The following R3HDM1 variants were observed in gnomAD, a reference collection of about 807,000 sequenced individuals.
The protein encoded by R3HDM1 is R3H domain containing 1.
Under a neutral mutation model 141.1 loss-of-function variants are expected in R3HDM1, and 46 were observed. The observed-to-expected ratio is 0.33, with a 90% CI of 0.26 to 0.42. The LOEUF (loss-of-function observed/expected upper bound fraction) is 0.42, where lower values mean the gene tolerates loss of function less well. Among genes scored for constraint, R3HDM1 ranks in the 10% least tolerant of loss-of-function variants. R3HDM1 has a pLI of 1.00. For synonymous variants in R3HDM1, 435 were observed against 472.9 expected (o/e 0.92, Z 1.04); for missense variants, 1,184 against 1,368.3 (o/e 0.87, Z 2.12).
intron 19 of R3HDM1, among the ~76,000 whole-genome samples, chr2:135,662,936 G>C (rs1383818627): frequency 6.6e-6 from 1 of 151,632 alleles, no homozygotes; most frequent in Non-Finnish European, 1.5e-5. Context: ...ATATCCTTGC[G>C]TGTGACTAAT....
chr2:135,596,326 A>C (rs2059183878), intron 1 of R3HDM1, among the ~76,000 whole-genome samples: 1 of 152,138 alleles, frequency 6.6e-6, no homozygotes, highest in African/African-American at 2.4e-5. Flanking sequence ...CTTAATTTCA[A>C]ATATATCCAC....
intron 1 of R3HDM1, among the ~76,000 whole-genome samples, chr2:135,564,170 C>T (rs1336533190): frequency 2.6e-5 from 4 of 152,146 alleles, no homozygotes; most frequent in Non-Finnish European, 5.9e-5. Context: ...AACATCCAAA[C>T]TATATTACTG....
Position 135,719,846 on chromosome 2 carries a change from C to CT in R3HDM1, c.2882-2066dup, listed in dbSNP as rs1336561501. 5.7e-3 allele frequency among the ~76,000 whole-genome samples: 830 copies of CT among 144,384 alleles called. 8 individuals carry two copies. Among genetic ancestry groups the CT allele is most frequent in the African/African-American group, 0.015 (599 of 39,756 alleles). 94.7% of individuals were successfully genotyped at this position (144,384 alleles called of 152,430 possible). A position where few individuals can be genotyped will look rare whatever the true frequency, so the allele number is the denominator to read the frequency against. On this transcript the variant is annotated intron_variant, in intron 24 of 26. Transcript: ENST00000683871. ...GACTTCTTTACAACTATTTTCTTTT[C>CT]TTTTTTTTTTTTGTTTCGAGACGGA... is the stretch of plus-strand genomic sequence containing the variant.
intron 14 of R3HDM1, 35 bp downstream of exon 14, chr2:135,639,157 C>A: frequency 1.3e-6 from 2 of 1,582,912 alleles, no homozygotes; most frequent in South Asian, 2.2e-5. Context: ...GCAGTCAAGT[C>A]ATTAGTTTTC....
intron 19 of R3HDM1, chr2:135,668,933 T>G: frequency 5.1e-6 from 1 of 195,396 alleles, no homozygotes; most frequent in Non-Finnish European, 9.3e-6. Context: ...AAAGGGAACA[T>G]TGGAGATTCA....
intron 21 of R3HDM1, among the ~76,000 whole-genome samples, chr2:135,708,880 A>C (rs2075268747): frequency 6.7e-6 from 1 of 148,244 alleles, no homozygotes; most frequent in Non-Finnish European, 1.5e-5. Flanking sequence ...AATTGCTTGA[A>C]GCCTGGAGGC....
chr2:135,543,419 GT>G (rs200352792), intron 1 of R3HDM1, among the ~76,000 whole-genome samples: 13,055 of 142,980 alleles, frequency 0.091, 1,128 homozygotes, highest in African/African-American at 0.23. Context: ...TCTTTTTCGA[GT>G]TTTTTTTTTT....
At chr2:135,599,691 A>G (rs2059464271) in intron 1 of R3HDM1, among the ~76,000 whole-genome samples, 1 of 152,314 alleles carries the variant, frequency 6.6e-6, no homozygotes, top group South Asian at 2.1e-4. Flanking sequence ...AAAAGCTGAA[A>G]CATCCCTTTT....
At chr2:135,553,429 A>G (rs1207057763) in intron 1 of R3HDM1, among the ~76,000 whole-genome samples, 2 of 152,298 alleles carry the variant, frequency 1.3e-5, no homozygotes, top group East Asian at 1.9e-4. Context: ...ATTAGCAATA[A>G]TAATGTTTCC....
chr2:135,632,039 A>T, intron 9 of R3HDM1, 38 bp downstream of exon 9: 1 of 1,429,132 alleles, frequency 7.0e-7, no homozygotes, highest in Non-Finnish European at 9.5e-7. Flanking sequence ...TTATATATCT[A>T]AATAATAATA....
In R3HDM1 at chr2:135,622,691, T is replaced by G. The variant is rs866212160; in HGVS notation, c.456T>G (p.Asp152Glu). Residue 152 changes from aspartate to glutamate, a missense_variant, in exon 7 of 27, where the codon GAT becomes GAG. By Grantham distance (45) the Asp-to-Glu change is conservative (BLOSUM62 2). This residue lies in a region of R3HDM1 where 192 missense variants were observed against 215.7 expected (regional missense o/e 0.89). Coordinates refer to ENST00000683871, the MANE Select transcript of R3HDM1 (RefSeq NM_001378107.1). ...AATACACTGATTCAACTGGCATAGA[T>G]CTACATGAATTTTTAGTAAATACAT... Reference protein sequence around the residue: ...SQEYTDSTGIDLHEFLVNTLK... With the variant: ...SQEYTDSTGIELHEFLVNTLK... 6.2e-7 allele frequency: 1 copy of G among 1,602,096 alleles called. No homozygotes were observed. The highest frequency in any genetic ancestry group is 1.7e-5 in the Admixed American group (1 of 58,998).
At chr2:135,706,631 C>T (rs1260602673) in intron 21 of R3HDM1, among the ~76,000 whole-genome samples, 8 of 152,066 alleles carry the variant, frequency 5.3e-5, no homozygotes, top group African/African-American at 1.7e-4. Flanking sequence ...CATCTTGCAC[C>T]GCCCTTAATC....
Position 135,550,467 on chromosome 2 carries a change from A to T in R3HDM1, c.-250+18834A>T, listed in dbSNP as rs183626953. On this transcript the variant is annotated intron_variant, in intron 1 of 26. Transcript: ENST00000683871. Reference sequence around the variant, plus strand: ...ATCACTTGTACTTCATTAGCATTTAACACCTATACTGTAATTTTAGAAAGG... The same window carrying T: ...ATCACTTGTACTTCATTAGCATTTATCACCTATACTGTAATTTTAGAAAGG... Among the ~76,000 whole-genome samples, 5 of 152,306 alleles carry T rather than the reference A, an allele frequency of 3.3e-5. No homozygotes were observed. The East Asian group carries it at 9.6e-4, about 29-fold the overall frequency.
chr2:135,549,455 G>A (rs1414438814), intron 1 of R3HDM1, among the ~76,000 whole-genome samples: 4 of 151,380 alleles, frequency 2.6e-5, no homozygotes, highest in African/African-American at 4.9e-5. Flanking sequence ...CTCGGGAGAC[G>A]GAGGTTGAGG....
intron 7 of R3HDM1, among the ~76,000 whole-genome samples, chr2:135,629,739 G>T (rs2062445040): frequency 2.0e-5 from 3 of 152,196 alleles, no homozygotes; most frequent in African/African-American, 7.2e-5. Context: ...TGAGGCTGGA[G>T]CTGGATGAAG....
Position 135,703,959 on chromosome 2 carries a change from G to A in R3HDM1, c.2460-5474G>A, listed in dbSNP as rs114402664. On this transcript the variant is annotated intron_variant, in intron 21 of 26. Coordinates refer to ENST00000683871, the MANE Select transcript of R3HDM1 (RefSeq NM_001378107.1). ...ACAAGCCTAGTTGAGCATCTGACCT[G>A]CAAATGAATTGGTTATTTATTCATT... Among the ~76,000 whole-genome samples, 501 of 152,236 alleles carry A rather than the reference G, an allele frequency of 3.3e-3. 3 individuals carry two copies. The highest frequency in any genetic ancestry group is 0.011 in the African/African-American group (469 of 41,552).
chr2:135,687,189 T>G (rs771857086), intron 21 of R3HDM1, among the ~76,000 whole-genome samples: 5 of 152,214 alleles, frequency 3.3e-5, no homozygotes, highest in Non-Finnish European at 5.9e-5. Flanking sequence ...GGCAAAATTC[T>G]GTCTCAAAAA....
At chr2:135,668,809 G>GCT (rs2067904532) in intron 19 of R3HDM1, among the ~76,000 whole-genome samples, 1 of 152,204 alleles carries the variant, frequency 6.6e-6, no homozygotes, top group Non-Finnish European at 1.5e-5. Context: ...GGAGAAGACA[G>GCT]CCAGTATCTA....
chr2:135,678,205 C>A (rs1006984390), intron 20 of R3HDM1, among the ~76,000 whole-genome samples: 1 of 151,878 alleles, frequency 6.6e-6, no homozygotes. Flanking sequence ...CTCAAGTGAT[C>A]TACCCTCCTT....
Sources: allele counts gnomAD v4.1 joint callset (sites outside exome capture counted in the v4.1 genomes callset), GRCh38; gene constraint gnomAD v4.1.1; regional missense constraint gnomAD v4.1.1; transcripts MANE v1.5; gene names NCBI Gene and HGNC (gene_info 2026-07-23, HGNC 2026-07-21).